The following GALNTL6 variants were observed in gnomAD, a reference collection of about 807,000 sequenced individuals.
GALNTL6 encodes the protein polypeptide N-acetylgalactosaminyltransferase like 6.
GALNTL6 carries 46 observed loss-of-function variants against 73.7 expected under a neutral mutation model. The observed-to-expected ratio is 0.62, with a 90% CI of 0.49 to 0.80. The LOEUF is 0.80. Among genes scored for constraint, GALNTL6 ranks in the 30% least tolerant of loss-of-function variants. GALNTL6 has a pLI of 0.00. For synonymous variants in GALNTL6, 259 were observed against 263.7 expected (o/e 0.98, Z 0.17); for missense variants, 604 against 755.0 (o/e 0.80, Z 2.34).
At chr4:172,512,639 A>G (rs915790789) in intron 5 of GALNTL6, among the ~76,000 whole-genome samples, 11 of 152,088 alleles carry the variant, frequency 7.2e-5, no homozygotes, top group Non-Finnish European at 1.3e-4. Flanking sequence ...CTGGCTTGGT[A>G]GTGGCAAGTT....
intron 5 of GALNTL6, among the ~76,000 whole-genome samples, chr4:172,763,364 T>C (rs1356919241): frequency 6.6e-6 from 1 of 152,226 alleles, no homozygotes; most frequent in Non-Finnish European, 1.5e-5. Context: ...ATTTATTTTC[T>C]CACTCATGAT....
At chr4:172,308,967 G>A (rs554970505) in intron 3 of GALNTL6, among the ~76,000 whole-genome samples, 2 of 152,218 alleles carry the variant, frequency 1.3e-5, no homozygotes, top group East Asian at 1.9e-4. Flanking sequence ...TCAATAACTA[G>A]CTGTTATATA....
chr4:172,534,158 C>G (rs994882148), intron 5 of GALNTL6, among the ~76,000 whole-genome samples: 6 of 152,122 alleles, frequency 3.9e-5, no homozygotes, highest in Admixed American at 2.6e-4. Context: ...TTCTCTTCAC[C>G]CAATGGGTGC....
intron 5 of GALNTL6, among the ~76,000 whole-genome samples, chr4:172,355,833 G>T (rs1462446008): frequency 1.3e-5 from 2 of 152,008 alleles, no homozygotes; most frequent in African/African-American, 4.8e-5. Flanking sequence ...ACATTAGTTT[G>T]TAGTATATGA....
chr4:172,066,529 C>T (rs1354728742), intron 2 of GALNTL6, among the ~76,000 whole-genome samples: 1 of 132,912 alleles, frequency 7.5e-6, no homozygotes, highest in Admixed American at 8.9e-5. Flanking sequence ...TTATGTCTGA[C>T]CTGGACTTTT....
intron 2 of GALNTL6, among the ~76,000 whole-genome samples, chr4:171,958,045 C>T (rs187035056): frequency 1.3e-5 from 2 of 152,244 alleles, no homozygotes; most frequent in Admixed American, 1.3e-4. Flanking sequence ...TATGGCCTCA[C>T]ATGTTAATCT....
chr4:172,455,703 A>G (rs1404288569), intron 5 of GALNTL6, among the ~76,000 whole-genome samples: 1 of 152,176 alleles, frequency 6.6e-6, no homozygotes, highest in African/African-American at 2.4e-5. Flanking sequence ...GGCAGCAGCC[A>G]CAGTCAGGGG....
chr4:172,658,237 C>T (rs1174026468), intron 5 of GALNTL6, among the ~76,000 whole-genome samples: 5 of 145,262 alleles, frequency 3.4e-5, no homozygotes, highest in Non-Finnish European at 7.5e-5. Context: ...GAGGCCGAGA[C>T]GGGTGGATCA....
At chr4:172,401,049 G>T (rs1410837775) in intron 5 of GALNTL6, among the ~76,000 whole-genome samples, 1 of 152,082 alleles carries the variant, frequency 6.6e-6, no homozygotes, top group Non-Finnish European at 1.5e-5. Context: ...CTTTTGTTTT[G>T]TTAGTGACAT....
At chr4:172,171,991 C>T (rs62331110) in intron 2 of GALNTL6, among the ~76,000 whole-genome samples, 10 of 152,150 alleles carry the variant, frequency 6.6e-5, no homozygotes, top group Admixed American at 6.5e-4. Flanking sequence ...CATCTCAAAG[C>T]AGCCAGTATG....
At position 172,887,749 on chromosome 4, in the gene GALNTL6, A is replaced by T. The variant is rs112862771; in HGVS notation, c.1041+4842A>T. ...TGGCTAATTTTTGTATTTTTTGTAG[A>T]GACGGGGTTTCCCCATGTTGGCCAG... On this transcript the variant is annotated intron_variant, in intron 8 of 12. Coordinates refer to ENST00000506823, the MANE Select transcript of GALNTL6 (RefSeq NM_001034845.3). Among the ~76,000 whole-genome samples the T allele has an allele frequency of 7.5e-3, 1,144 of 152,124 alleles. 8 individuals carry two copies. The highest frequency in any genetic ancestry group is 0.024 in the African/African-American group (996 of 41,500).
intron 2 of GALNTL6, among the ~76,000 whole-genome samples, chr4:172,119,564 C>G (rs1733088657): frequency 6.6e-6 from 1 of 152,156 alleles, no homozygotes; most frequent in Admixed American, 6.6e-5. Context: ...CCATTTAACA[C>G]CTCATTTTAG....
chr4:172,952,572 A>G (rs566751580), intron 10 of GALNTL6, among the ~76,000 whole-genome samples: 44 of 151,718 alleles, frequency 2.9e-4, no homozygotes, highest in Non-Finnish European at 5.3e-4. Flanking sequence ...CTGGAATGCA[A>G]TGGCGTGATC....
At chr4:172,868,794 T>C (rs1037460957) in intron 7 of GALNTL6, among the ~76,000 whole-genome samples, 1 of 152,210 alleles carries the variant, frequency 6.6e-6, no homozygotes, top group South Asian at 2.1e-4. Flanking sequence ...ATATAGAAGA[T>C]TTGGCCATTC....
intron 2 of GALNTL6, among the ~76,000 whole-genome samples, chr4:172,214,635 C>T (rs1273131082): frequency 1.3e-5 from 2 of 151,764 alleles, no homozygotes; most frequent in South Asian, 2.1e-4. Context: ...CTGCTTCAGC[C>T]TCCTAAGTAG....
At chr4:172,059,128 G>A (rs192078809) in intron 2 of GALNTL6, among the ~76,000 whole-genome samples, 21 of 152,298 alleles carry the variant, frequency 1.4e-4, no homozygotes, top group East Asian at 5.8e-4. Flanking sequence ...CTAGAGGAGA[G>A]ATCATCTCCT....
chr4:172,627,627 A>G (rs1298728500), intron 5 of GALNTL6, among the ~76,000 whole-genome samples: 1 of 150,456 alleles, frequency 6.6e-6, no homozygotes, highest in East Asian at 2.0e-4. Context: ...TCTGGTCAGG[A>G]GCTTTTTGCG....
chr4:172,835,135 G>A (rs916982285), intron 7 of GALNTL6, among the ~76,000 whole-genome samples: 3 of 152,198 alleles, frequency 2.0e-5, no homozygotes, highest in Non-Finnish European at 4.4e-5. Flanking sequence ...TACCAAGGTC[G>A]CACAGGTCAA....
chr4:172,677,975 C>T (rs1365342278), intron 5 of GALNTL6, among the ~76,000 whole-genome samples: 1 of 152,132 alleles, frequency 6.6e-6, no homozygotes, highest in African/African-American at 2.4e-5. Flanking sequence ...TAAGGAGCTT[C>T]TATACAAAAG....
Sources: gnomAD v4.1 joint callset for allele counts (sites outside exome capture counted in the v4.1 genomes callset) on GRCh38, gnomAD v4.1.1 for gene constraint, MANE v1.5 for transcripts, NCBI Gene and HGNC (gene_info 2026-07-23, HGNC 2026-07-21) for gene names.